The following DCC variants were observed in gnomAD, a reference collection of about 807,000 sequenced individuals.
DCC encodes netrin receptor DCC.
In DCC, 58 loss-of-function variants were observed where a neutral mutation model predicts 172.5. The ratio of observed to expected loss-of-function variants is 0.34; its 90% CI spans 0.27 to 0.42. The LOEUF (loss-of-function observed/expected upper bound fraction) is 0.42, where lower values mean the gene tolerates loss of function less well. Among genes scored for constraint, DCC ranks in the 10% least tolerant of loss-of-function variants. The pLI is 1.00. For missense variants in DCC, 1,740 were observed against 1,791.0 expected (o/e 0.97, Z 0.51); for synonymous variants, 709 against 644.5 (o/e 1.10, Z -1.52).
chr18:52,811,031 G>A (rs1198502551), intron 2 of DCC, among the ~76,000 whole-genome samples: 2 of 152,058 alleles, frequency 1.3e-5, no homozygotes, highest in African/African-American at 2.4e-5. Flanking sequence ...GCACAGAGGG[G>A]ACAACACACA....
intron 1 of DCC, among the ~76,000 whole-genome samples, chr18:52,642,062 G>A (rs1436465923): frequency 0.067 from 361 of 5,410 alleles, 8 homozygotes; most frequent in Middle Eastern, 0.12. Flanking sequence ...GTGTGTGTGT[G>A]TATATATATA....
At chr18:52,859,772 C>T (rs1359386789) in intron 2 of DCC, among the ~76,000 whole-genome samples, 1 of 152,044 alleles carries the variant, frequency 6.6e-6, no homozygotes, top group Non-Finnish European at 1.5e-5. Flanking sequence ...CAAAACAGGC[C>T]AAAGTATATT....
chr18:53,170,600 G>A (rs941388171), intron 8 of DCC, among the ~76,000 whole-genome samples: 4 of 152,074 alleles, frequency 2.6e-5, no homozygotes, highest in Non-Finnish European at 5.9e-5. Context: ...AAGTTGTGGT[G>A]GTATTTTGTT....
At chr18:53,153,287 A>T (rs2054673561) in intron 7 of DCC, among the ~76,000 whole-genome samples, 1 of 152,216 alleles carries the variant, frequency 6.6e-6, no homozygotes, top group Admixed American at 6.5e-5. Context: ...TAGAGGTATT[A>T]CATTTTGAGT....
intron 1 of DCC, among the ~76,000 whole-genome samples, chr18:52,399,669 A>G (rs1008476940): frequency 1.3e-5 from 2 of 151,934 alleles, no homozygotes; most frequent in Non-Finnish European, 2.9e-5. Context: ...CCTAAATTTT[A>G]TGAAACAGAG....
chr18:53,042,137 G>C (rs2144001865), intron 5 of DCC, among the ~76,000 whole-genome samples: 1 of 152,066 alleles, frequency 6.6e-6, no homozygotes, highest in African/African-American at 2.4e-5. Flanking sequence ...TATTGGCTGT[G>C]GGTTTGTCAT....
chr18:53,454,396 G>GT (rs893829656), intron 23 of DCC, among the ~76,000 whole-genome samples: 18 of 152,196 alleles, frequency 1.2e-4, no homozygotes, highest in African/African-American at 4.1e-4. Flanking sequence ...CTGTTTCTCT[G>GT]TTTTTTAATA....
intron 1 of DCC, among the ~76,000 whole-genome samples, chr18:52,541,025 A>G (rs1266968404): frequency 1.3e-5 from 2 of 152,286 alleles, no homozygotes; most frequent in African/African-American, 4.8e-5. Flanking sequence ...TTGTCCTAAA[A>G]GTCTTCTCAA....
chr18:52,627,254 C>T (rs1364025124), intron 1 of DCC, among the ~76,000 whole-genome samples: 1 of 152,184 alleles, frequency 6.6e-6, no homozygotes, highest in Admixed American at 6.5e-5. Context: ...CTCCTCCCTT[C>T]AGAATTAAGG....
rs117088812 is a variant in DCC, at chr18:53,223,326, G to T, written c.1911+7729G>T. Among the ~76,000 whole-genome samples the T allele has an allele frequency of 7.4e-3, 1,123 of 152,218 alleles. 7 individuals are homozygous for T. The highest frequency in any genetic ancestry group is 0.023 in the Admixed American group (357 of 15,268). Reference sequence around the variant, plus strand: ...TGCACAAAGGATTTTGACAAAAAGAGATTAAAATATATGATAGAATACCAT... The same window carrying T: ...TGCACAAAGGATTTTGACAAAAAGATATTAAAATATATGATAGAATACCAT... On this transcript the variant is annotated intron_variant, in intron 12 of 28. Coordinates refer to ENST00000442544, the MANE Select transcript of DCC (RefSeq NM_005215.4).
chr18:53,299,732 A>G (rs1433239265), intron 12 of DCC, among the ~76,000 whole-genome samples: 3 of 152,238 alleles, frequency 2.0e-5, no homozygotes, highest in Admixed American at 2.0e-4. Context: ...TTAGACTCTC[A>G]GCCTCTTGAA....
intron 7 of DCC, among the ~76,000 whole-genome samples, chr18:53,156,972 A>G (rs896501635): frequency 2.0e-5 from 3 of 152,212 alleles, no homozygotes; most frequent in Non-Finnish European, 4.4e-5. Flanking sequence ...ATCCTTTTAC[A>G]ATATTGAATC....
intron 2 of DCC, among the ~76,000 whole-genome samples, chr18:52,826,550 A>G (rs2038513795): frequency 6.6e-6 from 1 of 152,014 alleles, no homozygotes; most frequent in Non-Finnish European, 1.5e-5. Context: ...GTGGGATCTC[A>G]GCTCACTGCA....
intron 5 of DCC, among the ~76,000 whole-genome samples, chr18:53,047,452 T>C (rs1409949635): frequency 9.9e-6 from 1 of 100,888 alleles, no homozygotes; most frequent in Non-Finnish European, 2.0e-5. Context: ...TATATATATA[T>C]ATATATATAT....
At chr18:52,886,793 T>C (rs554566261) in intron 2 of DCC, among the ~76,000 whole-genome samples, 11 of 152,192 alleles carry the variant, frequency 7.2e-5, no homozygotes, top group Non-Finnish European at 1.6e-4. Flanking sequence ...TGGTGCTTTT[T>C]GGTGCATAGT....
chr18:53,179,753 A>G (rs1416216084), intron 9 of DCC, among the ~76,000 whole-genome samples: 4 of 152,206 alleles, frequency 2.6e-5, no homozygotes, highest in Non-Finnish European at 5.9e-5. Context: ...CCAGAATTAC[A>G]TATCGAAAAC....
chr18:52,458,093 G>A (rs989665393), intron 1 of DCC, among the ~76,000 whole-genome samples: 8 of 152,186 alleles, frequency 5.3e-5, no homozygotes, highest in Non-Finnish European at 1.2e-4. Context: ...GCACACAGAA[G>A]CCTATCTCTG....
At chr18:52,660,455 A>G (rs7239496) in intron 1 of DCC, among the ~76,000 whole-genome samples, 56,711 of 151,838 alleles carry the variant, frequency 0.37, 11,126 homozygotes, top group Non-Finnish European at 0.45. Flanking sequence ...ATTGACTATC[A>G]AGTCACTTGT....
chr18:52,531,312 C>T (rs1485370701), intron 1 of DCC, among the ~76,000 whole-genome samples: 2 of 152,114 alleles, frequency 1.3e-5, no homozygotes, highest in African/African-American at 4.8e-5. Flanking sequence ...TTGCTTGGCT[C>T]CAGTAAGAAA....
Sources: allele counts gnomAD v4.1 joint callset (sites outside exome capture counted in the v4.1 genomes callset), GRCh38; gene constraint gnomAD v4.1.1; transcripts MANE v1.5; gene names NCBI Gene and HGNC (gene_info 2026-07-23, HGNC 2026-07-21).